ATP8B1: variants seen among roughly 807,000 people sequenced by gnomAD.
ATP8B1 encodes phospholipid-transporting ATPase IC.
In ATP8B1, 80 loss-of-function variants were observed where a neutral mutation model predicts 149.9. The ratio of observed to expected loss-of-function variants is 0.53; its 90% CI spans 0.45 to 0.64. ATP8B1 has a LOEUF of 0.64. Among genes scored for constraint, ATP8B1 ranks in the 30% least tolerant of loss-of-function variants. The pLI, the probability that ATP8B1 is intolerant of heterozygous loss-of-function variation, is 0.00. For synonymous variants in ATP8B1, 536 were observed against 562.8 expected, an observed-to-expected ratio of 0.95 and a Z score of 0.67; for missense variants, 1,247 against 1,552.6, an observed-to-expected ratio of 0.80 and a Z score of 3.31.
Position 57,648,539 on chromosome 18 carries a change from A to G in ATP8B1, c.3705T>C (p.Asp1235=), listed in dbSNP as rs1433155855. ...RSIRKKRSPL[D]AIVADGTAEY... is the part of the protein sequence containing the mutation. ...CCGCGGTGCCATCCGCCACGATGGC[A>G]TCAAGCGGCGAGCGCTTCTTGCGGA... The change falls in exon 28 of 28, where the codon GAT becomes GAC. Residue 1235 remains aspartate, a synonymous_variant. Coordinates refer to ENST00000648908, the MANE Select transcript of ATP8B1 (RefSeq NM_001374385.1). 3.1e-6 allele frequency: 5 copies of G among 1,611,456 alleles called. No homozygotes were observed. The highest frequency in any genetic ancestry group is 4.2e-6 in the Non-Finnish European group (5 of 1,179,996).
At chr18:57,694,778 C>T (rs1912718935) in intron 10 of ATP8B1, 108 bp from the exon 11 acceptor site, 1 of 847,294 alleles carries the variant, frequency 1.2e-6, no homozygotes, top group East Asian at 2.7e-5. Flanking sequence ...GCCTGTAATC[C>T]CAGCAGTTTT....
intron 22 of ATP8B1, among the ~76,000 whole-genome samples, chr18:57,656,564 A>G (rs1169436362): frequency 6.6e-6 from 1 of 151,750 alleles, no homozygotes; most frequent in Admixed American, 6.6e-5. Context: ...TTTTGTAGAG[A>G]CGGGGTTTCA....
At chr18:57,699,989 T>C (rs1050092260) in intron 6 of ATP8B1, among the ~76,000 whole-genome samples, 1 of 152,152 alleles carries the variant, frequency 6.6e-6, no homozygotes, top group African/African-American at 2.4e-5. Context: ...GTCACACCTA[T>C]AGGAACTTGA....
At chr18:57,739,190 G>C (rs1202781014) in intron 1 of ATP8B1, among the ~76,000 whole-genome samples, 1 of 152,020 alleles carries the variant, frequency 6.6e-6, no homozygotes, top group Non-Finnish European at 1.5e-5. Flanking sequence ...TAGAGACAGG[G>C]TTTCTCCTTG....
intron 1 of ATP8B1, among the ~76,000 whole-genome samples, chr18:57,748,784 A>G (rs2079989596): frequency 6.6e-6 from 1 of 152,242 alleles, no homozygotes; most frequent in African/African-American, 2.4e-5. Context: ...AATTACCCAA[A>G]GGTTAACATG....
intron 2 of ATP8B1, among the ~76,000 whole-genome samples, chr18:57,709,645 GC>G (rs1242790562): frequency 6.6e-6 from 1 of 151,758 alleles, no homozygotes; most frequent in East Asian, 1.9e-4. Context: ...TAAGCATCTT[GC>G]CCCATTTTCT....
At chr18:57,740,167 T>A (rs1205825724) in intron 1 of ATP8B1, among the ~76,000 whole-genome samples, 1 of 152,118 alleles carries the variant, frequency 6.6e-6, no homozygotes, top group Non-Finnish European at 1.5e-5. Context: ...CTCAGCTCAC[T>A]GCAACCTTCG....
At chr18:57,716,577 A>C (rs1285051151) in intron 2 of ATP8B1, among the ~76,000 whole-genome samples, 1 of 144,818 alleles carries the variant, frequency 6.9e-6, no homozygotes, top group African/African-American at 2.4e-5. Context: ...CAAAACTATA[A>C]GAAGAGACAA....
chr18:57,701,563 CT>C (rs577373721), intron 4 of ATP8B1, among the ~76,000 whole-genome samples: 56 of 152,294 alleles, frequency 3.7e-4, no homozygotes, highest in African/African-American at 1.3e-3. Flanking sequence ...TCATTGCAAA[CT>C]TAACTGGACA....
chr18:57,786,841 C>T (rs376946697), intron 1 of ATP8B1, among the ~76,000 whole-genome samples: 36 of 152,068 alleles, frequency 2.4e-4, no homozygotes, highest in African/African-American at 8.4e-4. Flanking sequence ...ACTAGAAACA[C>T]AAAAAAATGT....
At chr18:57,661,871 C>T (rs919278752) in intron 21 of ATP8B1, among the ~76,000 whole-genome samples, 1 of 151,700 alleles carries the variant, frequency 6.6e-6, no homozygotes, top group Admixed American at 6.6e-5. Context: ...TGCACCACCA[C>T]GCCTGGCTAA....
intron 10 of ATP8B1, 36 bp downstream of exon 10, chr18:57,695,135 A>C: frequency 6.2e-7 from 1 of 1,612,348 alleles, no homozygotes; most frequent in African/African-American, 1.3e-5. Context: ...TTTAAAGATC[A>C]TAGCTGATTA....
At chr18:57,718,861 G>A (rs2079610170) in intron 2 of ATP8B1, among the ~76,000 whole-genome samples, 1 of 152,050 alleles carries the variant, frequency 6.6e-6, no homozygotes, top group Non-Finnish European at 1.5e-5. Context: ...ACTGGGTACA[G>A]AACAACATAC....
In ATP8B1 at chr18:57,798,194, C is replaced by G. The variant is rs1249706742; in HGVS notation, c.-26+4804G>C. On this transcript the variant is annotated intron_variant, in intron 1 of 27. Transcript: ENST00000648908. Reference sequence around the variant, plus strand: ...ACAACTAAGAAAACCACACAGGGAGCAATGAGCCTTTCAAGAAGCCACAGG... The same window carrying G: ...ACAACTAAGAAAACCACACAGGGAGGAATGAGCCTTTCAAGAAGCCACAGG... Among the ~76,000 whole-genome samples the G allele has an allele frequency of 2.0e-5, 3 of 152,120 alleles. No individual in the cohort carries two copies. The East Asian group carries it at 5.8e-4, about 29-fold the overall frequency.
At chr18:57,703,341 G>GGGT (rs776225758) in intron 4 of ATP8B1, among the ~76,000 whole-genome samples, 2 of 152,096 alleles carry the variant, frequency 1.3e-5, no homozygotes, top group Admixed American at 6.5e-5. Context: ...AGGCTGAGGC[G>GGGT]GGTGGATCAC....
At chr18:57,682,058 G>C (rs185679211) in intron 15 of ATP8B1, among the ~76,000 whole-genome samples, 278 of 149,798 alleles carry the variant, frequency 1.9e-3, no homozygotes, top group African/African-American at 6.4e-3. Context: ...AGGCTGTAGT[G>C]CAGTGGCGTG....
At chr18:57,717,547 CAAAAAAAAAAAAAAAAAAAAAAAAAAA>C (rs1163024544) in intron 2 of ATP8B1, among the ~76,000 whole-genome samples, 17 of 19,918 alleles carry the variant, frequency 8.5e-4, no homozygotes, top group African/African-American at 2.5e-3. Context: ...GACTCTGTCT[CAAAAAAAAAAAAAAAAAAAAAAAAAAA>C]AAAAAAAAAA....
Position 57,654,087 on chromosome 18 carries a change from T to C in ATP8B1, c.2932-12A>G, listed in dbSNP as rs765726153. 6.2e-7 allele frequency: 1 copy of C among 1,607,254 alleles called. No homozygotes were observed. The highest frequency in any genetic ancestry group is 1.1e-5 in the South Asian group (1 of 90,944). On this transcript the variant is annotated splice_polypyrimidine_tract_variant and intron_variant, in intron 23 of 27. Coordinates refer to ENST00000648908, the MANE Select transcript of ATP8B1 (RefSeq NM_001374385.1). Reference sequence around the variant, plus strand: ...TCCTCGTATGCAGTCTGTGAGGGGATGACAGAGGCTCCATGTCACCAACAA... The same window carrying C: ...TCCTCGTATGCAGTCTGTGAGGGGACGACAGAGGCTCCATGTCACCAACAA...
chr18:57,746,992 A>G (rs767042096), intron 1 of ATP8B1, among the ~76,000 whole-genome samples: 3 of 152,096 alleles, frequency 2.0e-5, no homozygotes, highest in Non-Finnish European at 4.4e-5. Context: ...AGAAGATTCC[A>G]TCTCCCTCCT....
Sources: gnomAD v4.1 joint callset for allele counts (sites outside exome capture counted in the v4.1 genomes callset) on GRCh38, gnomAD v4.1.1 for gene constraint, MANE v1.5 for transcripts, NCBI Gene and HGNC (gene_info 2026-07-23, HGNC 2026-07-21) for gene names.